The following NKAIN2 variants were observed in gnomAD, a reference collection of about 807,000 sequenced individuals.
NKAIN2 encodes sodium/potassium-transporting ATPase subunit beta-1-interacting protein 2.
Under a neutral mutation model 32.6 loss-of-function variants are expected in NKAIN2, and 14 were observed. The ratio of observed to expected loss-of-function variants is 0.43; its 90% CI spans 0.28 to 0.67. The LOEUF is 0.67. Among genes scored for constraint, NKAIN2 ranks in the 30% least tolerant of loss-of-function variants. The pLI, the probability that NKAIN2 is intolerant of heterozygous loss-of-function variation, is 0.17. For synonymous variants in NKAIN2, 80 were observed against 87.2 expected (o/e 0.92, Z 0.46); for missense variants, 198 against 258.3 (o/e 0.77, Z 1.60).
chr6:124,689,411 C>T (rs1774152778), intron 4 of NKAIN2, among the ~76,000 whole-genome samples: 1 of 151,898 alleles, frequency 6.6e-6, no homozygotes. Context: ...TGTTGCTTTT[C>T]TTTTCATTCT....
intron 3 of NKAIN2, among the ~76,000 whole-genome samples, chr6:124,650,701 T>G (rs907219783): frequency 6.6e-6 from 1 of 152,194 alleles, no homozygotes; most frequent in Non-Finnish European, 1.5e-5. Flanking sequence ...CCTCTTGTTA[T>G]GCCCCACCTC....
intron 4 of NKAIN2, among the ~76,000 whole-genome samples, chr6:124,711,178 T>C (rs542962760): frequency 3.1e-4 from 43 of 138,818 alleles, no homozygotes; most frequent in Non-Finnish European, 4.8e-4. Context: ...TTCTGGCTTG[T>C]AGCGTTTCTG....
intron 1 of NKAIN2, among the ~76,000 whole-genome samples, chr6:124,241,921 G>A (rs757675939): frequency 9.9e-5 from 15 of 151,854 alleles, no homozygotes; most frequent in African/African-American, 2.9e-4. Flanking sequence ...TTAAAGACCT[G>A]AACATAAGAC....
chr6:124,656,319 A>T (rs1784537431), intron 3 of NKAIN2, among the ~76,000 whole-genome samples: 1 of 152,168 alleles, frequency 6.6e-6, no homozygotes, highest in Non-Finnish European at 1.5e-5. Context: ...ACATTATAAT[A>T]AAAAATCCAA....
At chr6:124,729,820 A>T (rs1233011269) in intron 4 of NKAIN2, among the ~76,000 whole-genome samples, 1 of 152,000 alleles carries the variant, frequency 6.6e-6, no homozygotes, top group Non-Finnish European at 1.5e-5. Flanking sequence ...CCATTGTCTC[A>T]GCCTAAAATC....
intron 3 of NKAIN2, among the ~76,000 whole-genome samples, chr6:124,599,305 A>G (rs749855721): frequency 6.6e-6 from 1 of 152,118 alleles, no homozygotes; most frequent in Non-Finnish European, 1.5e-5. Flanking sequence ...TTGATGTATG[A>G]AAGATAATAA....
chr6:124,722,403 G>A (rs1050936996), intron 4 of NKAIN2, among the ~76,000 whole-genome samples: 5 of 152,052 alleles, frequency 3.3e-5, no homozygotes, highest in African/African-American at 1.2e-4. Flanking sequence ...AAACTTTTTG[G>A]CAACAGGGAC....
At chr6:124,343,986 T>G (rs1051705597) in intron 2 of NKAIN2, among the ~76,000 whole-genome samples, 1 of 151,922 alleles carries the variant, frequency 6.6e-6, no homozygotes, top group African/African-American at 2.4e-5. Flanking sequence ...AAGTCTTTAA[T>G]CCATCTTAAA....
intron 4 of NKAIN2, among the ~76,000 whole-genome samples, chr6:124,739,058 A>G (rs541607095): frequency 8.7e-5 from 13 of 149,030 alleles, no homozygotes; most frequent in African/African-American, 3.0e-4. Flanking sequence ...GGCATAATGC[A>G]CTTTTGAAAA....
At chr6:124,112,291 ATC>A (rs1785422079) in intron 1 of NKAIN2, among the ~76,000 whole-genome samples, 1 of 152,142 alleles carries the variant, frequency 6.6e-6, no homozygotes, top group Admixed American at 6.6e-5. Flanking sequence ...AAAAGTCTTT[ATC>A]TCTCTTTCAT....
chr6:124,033,235 A>G (rs1450624540), intron 1 of NKAIN2, among the ~76,000 whole-genome samples: 1 of 152,130 alleles, frequency 6.6e-6, no homozygotes, highest in Non-Finnish European at 1.5e-5. Context: ...AAGGGTGAAG[A>G]TTAGTGTTCT....
chr6:124,477,934 T>C (rs1398992502), intron 3 of NKAIN2, among the ~76,000 whole-genome samples: 1 of 151,324 alleles, frequency 6.6e-6, no homozygotes, highest in Non-Finnish European at 1.5e-5. Flanking sequence ...TCAATGCCAA[T>C]GAATATCCTT....
rs1038535202 is a variant in NKAIN2, at chr6:123,843,272, G to A, written c.54+39018G>A. Reference sequence around the variant, plus strand: ...TCACACAAATGGATTGAAGGGTGGTGTATGCAGAGAGTTTTATTGAGCAAT... The same window carrying A: ...TCACACAAATGGATTGAAGGGTGGTATATGCAGAGAGTTTTATTGAGCAAT... On this transcript the variant is annotated intron_variant, in intron 1 of 6. Transcript: ENST00000368417. Among the ~76,000 whole-genome samples the A allele has an allele frequency of 2.0e-5, 3 of 152,296 alleles. No individual in the cohort carries two copies. In the East Asian group the frequency reaches 5.8e-4, roughly 29 times the overall value.
At chr6:124,551,724 T>C (rs1780295218) in intron 3 of NKAIN2, among the ~76,000 whole-genome samples, 1 of 152,214 alleles carries the variant, frequency 6.6e-6, no homozygotes, top group African/African-American at 2.4e-5. Context: ...ACATTTCCTG[T>C]ATCCCAATCA....
intron 1 of NKAIN2, among the ~76,000 whole-genome samples, chr6:123,997,640 G>A (rs900856732): frequency 3.3e-5 from 4 of 120,184 alleles, no homozygotes; most frequent in Non-Finnish European, 6.4e-5. Context: ...GTCTCGCTCT[G>A]TTGCCCAGGC....
intron 3 of NKAIN2, among the ~76,000 whole-genome samples, chr6:124,377,447 C>T (rs909311338): frequency 1.1e-4 from 17 of 151,972 alleles, no homozygotes; most frequent in East Asian, 1.9e-4. Flanking sequence ...AATAATGGAG[C>T]GTGTACCAGA....
At chr6:124,453,742 G>T (rs980343451) in intron 3 of NKAIN2, among the ~76,000 whole-genome samples, 5 of 151,992 alleles carry the variant, frequency 3.3e-5, no homozygotes, top group African/African-American at 1.2e-4. Context: ...AGAATCAAGA[G>T]AAAACAATGA....
intron 3 of NKAIN2, among the ~76,000 whole-genome samples, chr6:124,412,771 G>T (rs1391560996): frequency 6.6e-6 from 1 of 152,200 alleles, no homozygotes; most frequent in Admixed American, 6.5e-5. Flanking sequence ...TGCCCCCAGA[G>T]GTGGAGCCTA....
intron 4 of NKAIN2, among the ~76,000 whole-genome samples, chr6:124,759,287 T>C (rs1269280627): frequency 2.6e-5 from 4 of 152,158 alleles, no homozygotes; most frequent in African/African-American, 9.6e-5. Flanking sequence ...TAGGGTTGCA[T>C]AGGTAAAGTC....
Sources: allele counts gnomAD v4.1 joint callset (sites outside exome capture counted in the v4.1 genomes callset), GRCh38; gene constraint gnomAD v4.1.1; transcripts MANE v1.5; gene names NCBI Gene and HGNC (gene_info 2026-07-23, HGNC 2026-07-21).